Variants in PRKCH observed in about 807,000 individuals in gnomAD.
PRKCH encodes protein kinase C eta type.
PRKCH carries 28 observed loss-of-function variants against 82.5 expected under a neutral mutation model. The ratio of observed to expected loss-of-function variants is 0.34; its 90% CI spans 0.25 to 0.47. The LOEUF (loss-of-function observed/expected upper bound fraction) is 0.47, where lower values mean the gene tolerates loss of function less well. Ranked by LOEUF, PRKCH falls within the 20% of genes least tolerant of loss-of-function variation. The probability of loss-of-function intolerance (pLI) is 1.00; values close to 1 mark genes in which losing one functional copy is unlikely to be tolerated. For missense variants in PRKCH, 705 were observed against 881.8 expected, an observed-to-expected ratio of 0.80 and a Z score of 2.54; for synonymous variants, 322 against 327.4, an observed-to-expected ratio of 0.98 and a Z score of 0.18.
intron 2 of PRKCH, among the ~76,000 whole-genome samples, chr14:61,412,574 T>A (rs996078006): frequency 6.6e-5 from 10 of 152,206 alleles, no homozygotes; most frequent in African/African-American, 2.4e-4. Context: ...GACCCTTTAA[T>A]CTTCCTTCAT....
chr14:61,289,784 G>A (rs747581110), intron 1 of PRKCH, among the ~76,000 whole-genome samples: 2 of 152,224 alleles, frequency 1.3e-5, no homozygotes, highest in Non-Finnish European at 2.9e-5. Flanking sequence ...TAAGAGTGAA[G>A]GCAGAAGGAA....
At chr14:61,514,006 C>A (rs2042785426) in intron 10 of PRKCH, among the ~76,000 whole-genome samples, 1 of 152,116 alleles carries the variant, frequency 6.6e-6, no homozygotes, top group African/African-American at 2.4e-5. Context: ...TAACTCGAGA[C>A]AGTTCTTCTT....
chr14:61,504,619 CT>C (rs1887058596), intron 10 of PRKCH, among the ~76,000 whole-genome samples: 1 of 152,154 alleles, frequency 6.6e-6, no homozygotes, highest in Admixed American at 6.5e-5. Flanking sequence ...AGAGGGGTCC[CT>C]CTGTAGGAGG....
chr14:61,538,437 G>A (rs537026136), intron 12 of PRKCH, among the ~76,000 whole-genome samples: 64 of 152,324 alleles, frequency 4.2e-4, no homozygotes, highest in Non-Finnish European at 7.8e-4. Flanking sequence ...GTCTTTTTAA[G>A]TCATATAATT....
At position 61,280,763 on chromosome 14, in the gene PRKCH, C is replaced by A. The variant is rs755462456; in HGVS notation, c.-19+93095C>A. 11 of 1,557,922 alleles carry A rather than the reference C, an allele frequency of 7.1e-6. No individual in the cohort carries two copies. Among genetic ancestry groups the A allele is most frequent in the Admixed American group, 3.8e-5 (2 of 52,712 alleles). ...GGGAGTCCGCTCAGCTGCGCGTCGT[C>A]GCGGGACACGCCGTAGCGCCGGTTG... On this transcript the variant is annotated intron_variant, in intron 1 of 3. Transcript: ENST00000555185. This position sits in a 1 kb window ranked among gnomAD's most constrained non-coding sequence, Gnocchi z 5.0.
intron 1 of PRKCH, among the ~76,000 whole-genome samples, chr14:61,365,629 T>A (rs1194032334): frequency 6.6e-6 from 1 of 152,120 alleles, no homozygotes; most frequent in Non-Finnish European, 1.5e-5. Context: ...GTATTTGATT[T>A]TTTTTTAAAC....
At chr14:61,284,777 GAAAA>G (rs986221119) in intron 1 of PRKCH, among the ~76,000 whole-genome samples, 1 of 151,886 alleles carries the variant, frequency 6.6e-6, no homozygotes, top group South Asian at 2.1e-4. Flanking sequence ...CAAAGGAAAA[GAAAA>G]AAGGCATTTC....
intron 12 of PRKCH, chr14:61,537,555 G>A (rs1207217507): frequency 1.3e-5 from 2 of 152,168 alleles, no homozygotes; most frequent in East Asian, 1.9e-4. Context: ...AGTCCCAGGC[G>A]AGTCAGCAGA....
chr14:61,188,704 A>AGTGTGTGTGTGTGTGTGTGT lies in PRKCH; in HGVS notation c.-19+1052_-19+1071dup, dbSNP rs754540967. On this transcript the variant is annotated intron_variant, in intron 1 of 3. Coordinates refer to the PRKCH transcript ENST00000555185. The stretch of plus-strand genomic sequence containing the variant: ...CCTCCTCACCCCCAGACGTTGCTGT[A>AGTGTGTGTGTGTGTGTGTGT]GTGTGTGTGTGTGTGTGTGTGTGTG... Among the ~76,000 whole-genome samples, 212 of 87,734 alleles carry AGTGTGTGTGTGTGTGTGTGT rather than the reference A, an allele frequency of 2.4e-3. 15 individuals carry two copies. Among genetic ancestry groups the AGTGTGTGTGTGTGTGTGTGT allele is most frequent in the Middle Eastern group, 0.021 (3 of 144 alleles). 57.6% of individuals were successfully genotyped at this position (87,734 alleles called of 152,430 possible).
intron 1 of PRKCH, among the ~76,000 whole-genome samples, chr14:61,345,128 A>C (rs1021249760): frequency 2.6e-5 from 4 of 152,188 alleles, no homozygotes; most frequent in African/African-American, 9.7e-5. Flanking sequence ...TAACAAGTCT[A>C]AGATATTTAC....
intron 2 of PRKCH, among the ~76,000 whole-genome samples, chr14:61,401,937 T>TA (rs1223159636): frequency 9.2e-5 from 14 of 152,220 alleles, no homozygotes; most frequent in African/African-American, 2.4e-4. Context: ...AGACATTGTC[T>TA]AAAAAACGAA....
At position 61,486,352 on chromosome 14, in the gene PRKCH, G is replaced by A. The variant is rs530219619; in HGVS notation, c.1433+696G>A. 1.1e-3 allele frequency among the ~76,000 whole-genome samples: 174 copies of A among 152,312 alleles called. 3 individuals carry two copies. The South Asian group carries it at 0.031, about 27-fold the overall frequency. On this transcript the variant is annotated intron_variant, in intron 10 of 13. Transcript: ENST00000332981. ...CAGGAGCTAGGTGAGCCACTTGTGA[G>A]CAGTGTCCTGCATGATAATATCTTC...
At chr14:61,369,767 A>G (rs1043656518) in intron 1 of PRKCH, among the ~76,000 whole-genome samples, 1 of 152,060 alleles carries the variant, frequency 6.6e-6, no homozygotes, top group Non-Finnish European at 1.5e-5. Flanking sequence ...GAAGAATTAT[A>G]TTATTAATAG....
chr14:61,390,205 C>T (rs1343191121), intron 1 of PRKCH, among the ~76,000 whole-genome samples: 1 of 152,128 alleles, frequency 6.6e-6, no homozygotes, highest in Non-Finnish European at 1.5e-5. Flanking sequence ...AGAACAGAGC[C>T]AGAGGTGCTG....
intron 1 of PRKCH, among the ~76,000 whole-genome samples, chr14:61,324,114 G>C (rs994073859): frequency 3.9e-5 from 6 of 152,084 alleles, no homozygotes; most frequent in African/African-American, 1.4e-4. Flanking sequence ...GTACTTTTAG[G>C]CTCACCAGGT....
At chr14:61,397,825 G>A (rs1271200186) in intron 2 of PRKCH, among the ~76,000 whole-genome samples, 1 of 152,222 alleles carries the variant, frequency 6.6e-6, no homozygotes, top group African/African-American at 2.4e-5. Flanking sequence ...ACAATGTGCT[G>A]TGTGAAGGTT....
chr14:61,362,626 T>C (rs1373154404), intron 1 of PRKCH, among the ~76,000 whole-genome samples: 1 of 152,200 alleles, frequency 6.6e-6, no homozygotes, highest in East Asian at 1.9e-4. Context: ...AGTAATCAAA[T>C]GTTCCTCTCT....
At chr14:61,460,704 G>T (rs1037127483) in intron 9 of PRKCH, among the ~76,000 whole-genome samples, 2 of 152,138 alleles carry the variant, frequency 1.3e-5, no homozygotes, top group Non-Finnish European at 2.9e-5. Context: ...CTATTTGCTG[G>T]GCTGCGTCTC....
intron 8 of PRKCH, 36 bp downstream of exon 8, chr14:61,457,355 G>A (rs752472238): frequency 1.2e-6 from 2 of 1,610,988 alleles, no homozygotes; most frequent in Admixed American, 3.3e-5. Flanking sequence ...GTTGAAGTAA[G>A]TGTGCTCTGT....
Sources: allele counts gnomAD v4.1 joint callset (sites outside exome capture counted in the v4.1 genomes callset), GRCh38; gene constraint gnomAD v4.1.1; non-coding constraint Gnocchi (gnomAD v3.1); transcripts MANE v1.5; gene names NCBI Gene and HGNC (gene_info 2026-07-23, HGNC 2026-07-21).